USH2A: variants seen among roughly 807,000 people sequenced by gnomAD.
The protein encoded by USH2A is Usher syndrome 2A (autosomal recessive, mild).
A neutral mutation model predicts 538.9 loss-of-function variants in USH2A; 443 were observed. That is an observed-to-expected ratio of 0.82 (90% CI 0.76 to 0.89). The LOEUF (loss-of-function observed/expected upper bound fraction) is 0.89. Ranked by LOEUF, USH2A falls within the 40% of genes least tolerant of loss-of-function variation. USH2A has a pLI of 0.00. For missense variants in USH2A, 6,633 were observed against 6,324.8 expected, an observed-to-expected ratio of 1.05 and a Z score of -1.65; for synonymous variants, 2,413 against 2,273.5, an observed-to-expected ratio of 1.06 and a Z score of -1.75.
intron 37 of USH2A, among the ~76,000 whole-genome samples, chr1:215,964,941 C>T (rs113743053): frequency 4.6e-5 from 7 of 152,082 alleles, no homozygotes; most frequent in African/African-American, 1.7e-4. Context: ...TTTGCATACA[C>T]GATGTTTTAG....
intron 5 of USH2A, among the ~76,000 whole-genome samples, chr1:216,326,369 C>A (rs2102657323): frequency 6.6e-6 from 1 of 152,234 alleles, no homozygotes; most frequent in South Asian, 2.1e-4. Context: ...TCCTCTCAGA[C>A]CCCAGTGGAG....
chr1:216,281,426 C>T (rs2036773953), intron 11 of USH2A, among the ~76,000 whole-genome samples: 1 of 152,074 alleles, frequency 6.6e-6, no homozygotes, highest in African/African-American at 2.4e-5. Context: ...GTCTTTCCTT[C>T]CATATATTTT....
chr1:215,973,940 T>TCACACACACACACA lies in USH2A; in HGVS notation c.6806-3178_6806-3165dup, dbSNP rs140368318. 8.5e-3 allele frequency among the ~76,000 whole-genome samples: 1,240 copies of TCACACACACACACA among 146,366 alleles called. 19 individuals are homozygous for TCACACACACACACA. Among genetic ancestry groups the TCACACACACACACA allele is most frequent in the African/African-American group, 0.029 (1,156 of 39,636 alleles). ...AAGTCTAACTTTAACATAGGTGAGA[T>TCACACACACACACA]CACACACACACACACACACACACAC... On this transcript the variant is annotated intron_variant, in intron 35 of 71. Coordinates refer to ENST00000307340, the MANE Select transcript of USH2A (RefSeq NM_206933.4).
intron 63 of USH2A, among the ~76,000 whole-genome samples, chr1:215,672,748 T>A (rs950773665): frequency 1.3e-5 from 2 of 152,242 alleles, no homozygotes; most frequent in Admixed American, 6.5e-5. Flanking sequence ...AAACCACGCA[T>A]GAACTCCAAC....
chr1:215,631,321 G>C (rs1027144747), intron 70 of USH2A, among the ~76,000 whole-genome samples: 12 of 151,994 alleles, frequency 7.9e-5, no homozygotes, highest in African/African-American at 2.9e-4. Flanking sequence ...AACTGAGCAG[G>C]TGAATCTGGC....
intron 43 of USH2A, 114 bp from the exon 44 acceptor site, chr1:215,867,284 A>G (rs911480935): frequency 4.4e-6 from 5 of 1,135,358 alleles, no homozygotes; most frequent in Non-Finnish European, 6.3e-6. Flanking sequence ...CCCTCTACAA[A>G]ATACTGTTTT....
chr1:215,867,234 AT>A (rs1187137929), intron 43 of USH2A, 64 bp from the exon 44 acceptor site: 13 of 1,547,582 alleles, frequency 8.4e-6, no homozygotes, highest in Non-Finnish European at 1.1e-5. Flanking sequence ...CTAACAAATA[AT>A]TTCTTTTTTT....
chr1:216,382,406 C>T (rs1030530377), intron 3 of USH2A, among the ~76,000 whole-genome samples: 1 of 152,106 alleles, frequency 6.6e-6, no homozygotes, highest in Non-Finnish European at 1.5e-5. Flanking sequence ...AAGATGGATA[C>T]AATTAAAGAC....
chr1:216,300,948 C>T (rs2037203898), intron 9 of USH2A, among the ~76,000 whole-genome samples: 2 of 151,898 alleles, frequency 1.3e-5, no homozygotes, highest in South Asian at 4.2e-4. Flanking sequence ...CAGGGTTTCA[C>T]CTTGTTGCCC....
rs1048688339 is a variant in USH2A at position 216,404,535 on chromosome 1, T to A, written c.651+13979A>T. Among the ~76,000 whole-genome samples the A allele has an allele frequency of 1.1e-4, 17 of 151,826 alleles. 1 individual carries two copies. Among genetic ancestry groups the A allele is most frequent in the Admixed American group, 8.5e-4 (13 of 15,238 alleles). On this transcript the variant is annotated intron_variant, in intron 3 of 71. Transcript: ENST00000307340. Reference sequence around the variant, plus strand: ...TCAGTGAAGGAAGGATATAGCCTTTTCAACTAAGGGCTATTTGGACATCCA... The same window carrying A: ...TCAGTGAAGGAAGGATATAGCCTTTACAACTAAGGGCTATTTGGACATCCA...
intron 41 of USH2A, among the ~76,000 whole-genome samples, chr1:215,884,124 G>T (rs145633257): frequency 5.3e-4 from 80 of 152,040 alleles, no homozygotes; most frequent in Non-Finnish European, 9.9e-4. Flanking sequence ...TGCATGCAGG[G>T]CTTAAAACCT....
chr1:216,023,574 A>G (rs1438215720), intron 32 of USH2A, among the ~76,000 whole-genome samples: 1 of 151,364 alleles, frequency 6.6e-6, no homozygotes, highest in East Asian at 1.9e-4. Context: ...GTAACAGTAT[A>G]CATACACACA....
chr1:215,912,653 T>C (rs1032507279), intron 38 of USH2A, among the ~76,000 whole-genome samples: 2 of 151,878 alleles, frequency 1.3e-5, no homozygotes, highest in Admixed American at 1.3e-4. Flanking sequence ...TCAATTACTT[T>C]TTAAAAAACT....
At chr1:216,200,688 T>C (rs1238574074) in intron 16 of USH2A, among the ~76,000 whole-genome samples, 1 of 152,184 alleles carries the variant, frequency 6.6e-6, no homozygotes, top group Non-Finnish European at 1.5e-5. Flanking sequence ...CTTCTATGCA[T>C]GAAGGATTGT....
chr1:216,152,264 G>A (rs1052583669), intron 21 of USH2A, among the ~76,000 whole-genome samples: 6 of 152,244 alleles, frequency 3.9e-5, no homozygotes, highest in African/African-American at 9.6e-5. Context: ...GCACGTATAC[G>A]CCCAGATGGC....
intron 64 of USH2A, among the ~76,000 whole-genome samples, chr1:215,659,034 G>T (rs1657356637): frequency 6.6e-6 from 1 of 152,188 alleles, no homozygotes; most frequent in South Asian, 2.1e-4. Flanking sequence ...TGTTCTATGA[G>T]CTGGGGATAC....
chr1:215,837,922 A>C, intron 47 of USH2A, 69 bp downstream of exon 47: 2 of 1,209,376 alleles, frequency 1.7e-6, no homozygotes, highest in Non-Finnish European at 2.5e-6. Context: ...CTGAGAGGAT[A>C]CCTTTGATTT....
Position 216,200,054 on chromosome 1 carries a change from G to T in USH2A, c.3384C>A (p.Thr1128=). Residue 1128 remains threonine, a synonymous_variant, in exon 17 of 72, where the codon ACC becomes ACA. Transcript: ENST00000307340. ...CACTCCTTGTTGAACCATGCACATT[G>T]GTGGTCTCAATGTAATAGGAATATT... ...YTKYSYYIET[T]NVHGSTRSVA... The T allele has an allele frequency of 6.2e-7, 1 of 1,613,774 alleles. No individual in the cohort carries two copies.
At chr1:215,693,060 G>C (rs965051703) in intron 61 of USH2A, among the ~76,000 whole-genome samples, 3 of 145,588 alleles carry the variant, frequency 2.1e-5, no homozygotes, top group African/African-American at 7.7e-5. Flanking sequence ...ACCATGCCCA[G>C]CTAATTTTTG....
Sources: allele counts gnomAD v4.1 joint callset (sites outside exome capture counted in the v4.1 genomes callset), GRCh38; gene constraint gnomAD v4.1.1; transcripts MANE v1.5; gene names NCBI Gene and HGNC (gene_info 2026-07-23, HGNC 2026-07-21).